The following NKAIN2 variants were observed in gnomAD, a reference collection of about 807,000 sequenced individuals.
The protein encoded by NKAIN2 is sodium/potassium transporting ATPase interacting 2, also known as sodium/potassium-transporting ATPase subunit beta-1-interacting protein 2.
A neutral mutation model predicts 32.6 loss-of-function variants in NKAIN2; 14 were observed. That is an observed-to-expected ratio of 0.43 (90% CI 0.28 to 0.67). NKAIN2 has a LOEUF of 0.67. NKAIN2 is among the 30% of genes least tolerant of loss of function. The probability of loss-of-function intolerance (pLI) is 0.17; values close to 1 mark genes in which losing one functional copy is unlikely to be tolerated. For synonymous variants in NKAIN2, 80 were observed against 87.2 expected, an observed-to-expected ratio of 0.92 and a Z score of 0.46; for missense variants, 198 against 258.3, an observed-to-expected ratio of 0.77 and a Z score of 1.60.
rs138165982 is a variant in NKAIN2, at chr6:124,476,366, T to G, written c.273+121019T>G. ...AGGTTTTAAATCAATCAAACCTGTTTCTTTTACTGAATTCATATGTATGTA... is the reference window on the plus strand; with the variant it reads ...AGGTTTTAAATCAATCAAACCTGTTGCTTTTACTGAATTCATATGTATGTA... On this transcript the variant is annotated intron_variant, in intron 3 of 6. Transcript: ENST00000368417. Among the ~76,000 whole-genome samples, 1,388 of 148,262 alleles carry G rather than the reference T, an allele frequency of 9.4e-3. 21 individuals carry two copies. Among genetic ancestry groups the G allele is most frequent in the African/African-American group, 0.033 (1,328 of 40,200 alleles).
At chr6:124,271,361 C>T (rs571065988) in intron 1 of NKAIN2, among the ~76,000 whole-genome samples, 10 of 152,204 alleles carry the variant, frequency 6.6e-5, no homozygotes, top group East Asian at 5.8e-4. Flanking sequence ...GGACTACAGG[C>T]GCCTGCCACC....
intron 1 of NKAIN2, among the ~76,000 whole-genome samples, chr6:124,063,952 T>C (rs1027564524): frequency 2.0e-5 from 3 of 150,966 alleles, no homozygotes; most frequent in Non-Finnish European, 4.4e-5. Context: ...ATAAAACATA[T>C]AATTTTTTTT....
intron 2 of NKAIN2, among the ~76,000 whole-genome samples, chr6:124,283,998 T>G (rs1293479124): frequency 6.6e-6 from 1 of 152,158 alleles, no homozygotes; most frequent in African/African-American, 2.4e-5. Flanking sequence ...GAAAGCGTCC[T>G]CATTAAAGAT....
In NKAIN2 at chr6:124,275,714, CA is replaced by C. The variant is rs1224216346; in HGVS notation, c.55-7289del. 7.9e-5 allele frequency among the ~76,000 whole-genome samples: 12 copies of C among 152,020 alleles called. No individual in the cohort carries two copies. The East Asian group carries it at 2.3e-3, about 29-fold the overall frequency. Reference sequence around the variant, plus strand: ...TCATGGTATTATTTGCATTTGTAACCAATAGAATAAGAAACATTTGAACATC... The same window carrying C: ...TCATGGTATTATTTGCATTTGTAACCATAGAATAAGAAACATTTGAACATC... On this transcript the variant is annotated intron_variant, in intron 1 of 6. Transcript: ENST00000368417.
chr6:124,286,681 CGTG>C (rs1795565977), intron 2 of NKAIN2, among the ~76,000 whole-genome samples: 2 of 130,670 alleles, frequency 1.5e-5, no homozygotes, highest in African/African-American at 2.9e-5. Flanking sequence ...TGTGCGCGCG[CGTG>C]TGTGTGTGTG....
intron 2 of NKAIN2, among the ~76,000 whole-genome samples, chr6:124,339,061 G>C (rs1456221793): frequency 6.6e-6 from 1 of 152,156 alleles, no homozygotes; most frequent in East Asian, 1.9e-4. Context: ...GTGGCTCACG[G>C]GCTGGGTGCA....
At chr6:124,481,905 T>C (rs1777467305) in intron 3 of NKAIN2, among the ~76,000 whole-genome samples, 1 of 152,082 alleles carries the variant, frequency 6.6e-6, no homozygotes, top group Non-Finnish European at 1.5e-5. Context: ...TTGCAATGGT[T>C]TGTGGCCTTA....
chr6:124,800,838 C>CTTGT (rs552300222), intron 5 of NKAIN2, among the ~76,000 whole-genome samples: 70 of 152,160 alleles, frequency 4.6e-4, no homozygotes, highest in Middle Eastern at 3.4e-3. Flanking sequence ...TTTGCATTTG[C>CTTGT]TTGTTTGTTT....
chr6:124,355,512 TC>T (rs1471383741), intron 3 of NKAIN2, among the ~76,000 whole-genome samples, 165 bp downstream of exon 3: 2 of 149,866 alleles, frequency 1.3e-5, no homozygotes, highest in African/African-American at 4.9e-5. Flanking sequence ...TAAAAATATG[TC>T]TGGTGAGTCA....
At chr6:124,799,422 A>G (rs1175228499) in intron 5 of NKAIN2, among the ~76,000 whole-genome samples, 1 of 152,158 alleles carries the variant, frequency 6.6e-6, no homozygotes, top group Non-Finnish European at 1.5e-5. Flanking sequence ...TTTCTTTTCT[A>G]ATAATATCGC....
At chr6:124,588,790 A>T (rs185410583) in intron 3 of NKAIN2, among the ~76,000 whole-genome samples, 36 of 152,234 alleles carry the variant, frequency 2.4e-4, no homozygotes, top group Admixed American at 5.2e-4. Flanking sequence ...AGCCTCAGGG[A>T]CCATAGAGAG....
chr6:124,292,904 TATTTA>T (rs1795883451), intron 2 of NKAIN2, among the ~76,000 whole-genome samples: 1 of 152,106 alleles, frequency 6.6e-6, no homozygotes. Flanking sequence ...TCATGACACT[TATTTA>T]TTTATTAGGA....
Position 124,114,531 on chromosome 6 carries a change from C to A in NKAIN2, c.55-168474C>A, listed in dbSNP as rs532035243. Among the ~76,000 whole-genome samples, 9 of 152,058 alleles carry A rather than the reference C, an allele frequency of 5.9e-5. No homozygotes were observed. The East Asian group carries it at 1.6e-3, about 26-fold the overall frequency. On this transcript the variant is annotated intron_variant, in intron 1 of 6. Transcript: ENST00000368417. ...TTCAGGGAAATATCTATTTGAAAAT[C>A]ATCAGCATATAGATGTTAATAAAGC...
At chr6:123,932,210 G>T (rs1245936406) in intron 1 of NKAIN2, among the ~76,000 whole-genome samples, 3 of 151,988 alleles carry the variant, frequency 2.0e-5, no homozygotes, top group Non-Finnish European at 4.4e-5. Context: ...TTTGTGACTT[G>T]CCTTCTCTCT....
At chr6:124,568,964 A>G (rs1373293488) in intron 3 of NKAIN2, among the ~76,000 whole-genome samples, 1 of 151,974 alleles carries the variant, frequency 6.6e-6, no homozygotes, top group East Asian at 1.9e-4. Flanking sequence ...CCTAACATTT[A>G]CACAATTTCC....
At chr6:124,133,017 T>C (rs1786556972) in intron 1 of NKAIN2, among the ~76,000 whole-genome samples, 1 of 152,164 alleles carries the variant, frequency 6.6e-6, no homozygotes, top group African/African-American at 2.4e-5. Context: ...AGGGACACAA[T>C]TGCAGTACTG....
chr6:124,576,777 T>A (rs771371382), intron 3 of NKAIN2, among the ~76,000 whole-genome samples: 10 of 152,182 alleles, frequency 6.6e-5, no homozygotes, highest in Non-Finnish European at 1.2e-4. Flanking sequence ...TAGACTTTTG[T>A]ATAGTGTCAA....
At chr6:124,499,813 C>G (rs535694715) in intron 3 of NKAIN2, among the ~76,000 whole-genome samples, 1 of 152,308 alleles carries the variant, frequency 6.6e-6, no homozygotes, top group Admixed American at 6.5e-5. Context: ...TAAAAATACT[C>G]TGCTTTCAAG....
chr6:123,858,566 T>A (rs890008584), intron 1 of NKAIN2, among the ~76,000 whole-genome samples: 3 of 152,118 alleles, frequency 2.0e-5, no homozygotes, highest in African/African-American at 7.2e-5. Flanking sequence ...AGGATAGAGG[T>A]CATTAAAGCA....
Sources: gnomAD v4.1 joint callset for allele counts (sites outside exome capture counted in the v4.1 genomes callset) on GRCh38, gnomAD v4.1.1 for gene constraint, MANE v1.5 for transcripts, NCBI Gene and HGNC (gene_info 2026-07-23, HGNC 2026-07-21) for gene names.